The following KLHL17 variants were observed in gnomAD, a reference collection of about 807,000 sequenced individuals.
The protein encoded by KLHL17 is kelch like family member 17, also known as kelch-like protein 17.
KLHL17 carries 71 observed loss-of-function variants against 64.6 expected under a neutral mutation model. That is an observed-to-expected ratio of 1.10 (90% CI 0.91 to 1.34). KLHL17 has a LOEUF of 1.34. Among genes scored for constraint, KLHL17 ranks in the 40% most tolerant of loss-of-function variants. The pLI, the probability that KLHL17 is intolerant of heterozygous loss-of-function variation, is 0.00. For missense variants in KLHL17, 1,140 were observed against 935.0 expected (o/e 1.22, Z -2.86); for synonymous variants, 612 against 405.4 (o/e 1.51, Z -6.12).
At chr1:962,157 G>A (rs1642687033) in intron 4 of KLHL17, 110 bp downstream of exon 4, 2 of 1,250,936 alleles carry the variant, frequency 1.6e-6, no homozygotes, top group Non-Finnish European at 2.2e-6. Context: ...ACAATCCTTA[G>A]TGCCTGCTGT....
chr1:961,716 C>G lies in KLHL17; in HGVS notation c.455C>G (p.Thr152Arg). ...ALDQLVQFAY[T>R]AEIVVGEGNV... ...GACCAGCTGGTGCAGTTTGCCTACACGGCTGAGATTGTGGTGGGCGAGGGC... is the reference window on the plus strand; with the variant it reads ...GACCAGCTGGTGCAGTTTGCCTACAGGGCTGAGATTGTGGTGGGCGAGGGC... The change falls in exon 3 of 12, where the codon ACG (threonine) becomes AGG (arginine). Residue 152 changes from threonine (T) to arginine (R), a missense_variant. Physicochemically the swap from Thr to Arg is moderately conservative, Grantham distance 71. Coordinates refer to ENST00000338591, the MANE Select transcript of KLHL17 (RefSeq NM_198317.3). The G allele has an allele frequency of 1.9e-6, 3 of 1,612,178 alleles. No individual in the cohort carries two copies. Among genetic ancestry groups the G allele is most frequent in the Non-Finnish European group, 2.5e-6 (3 of 1,179,448 alleles).
chr1:962,140 C>T (rs765711602), intron 4 of KLHL17, 93 bp downstream of exon 4: 8 of 1,325,094 alleles, frequency 6.0e-6, no homozygotes, highest in South Asian at 1.3e-5. Context: ...CTGACACAGC[C>T]CTGCCCACAA....
intron 1 of KLHL17, 39 bp downstream of exon 1, chr1:960,839 G>GGACCTGCGCGGCCCCCGCCCTCGC: frequency 1.0e-6 from 1 of 985,294 alleles, no homozygotes; most frequent in Non-Finnish European, 1.2e-6. Context: ...GGCGGCCTCG[G>GGACCTGCGCGGCCCCCGCCCTCGC]GACCTGCGCG....
chr1:963,750 C>G, intron 8 of KLHL17, 170 bp from the exon 9 acceptor site: 1 of 876,952 alleles, frequency 1.1e-6, no homozygotes, highest in African/African-American at 1.7e-5. Flanking sequence ...CAGGGTTGTT[C>G]AGGCAGCCAG....
chr1:963,246 G>C lies in KLHL17; in HGVS notation c.1180G>C (p.Val394Leu). The change falls in exon 7 of 12, where the codon GTG (valine) becomes CTG (leucine). Residue 394 changes from valine (V) to leucine (L), a missense_variant. Coordinates refer to ENST00000338591, the MANE Select transcript of KLHL17 (RefSeq NM_198317.3). ...VAAVGNRLYA[V>L]GGYDGTSDLA... is the part of the protein sequence containing the mutation. ...TGCGGTGGGGAACCGGCTCTATGCT[G>C]TGGGCGGGTAAGCCTGGAGGCTGGA... The C allele has an allele frequency of 6.2e-7, 1 of 1,603,192 alleles. No homozygotes were observed. The highest frequency in any genetic ancestry group is 8.5e-7 in the Non-Finnish European group (1 of 1,172,342).
At position 963,986 on chromosome 1, in the gene KLHL17, C is replaced by T. The variant is rs752488221; in HGVS notation, c.1422C>T (p.Arg474=). 4 of 1,612,552 alleles carry T rather than the reference C, an allele frequency of 2.5e-6. No homozygotes were observed. Among genetic ancestry groups the T allele is most frequent in the Middle Eastern group, 1.7e-4 (1 of 6,058 alleles). ...TSVAAMSTRR[R]YVRVATLDGN... is the part of the protein sequence containing the mutation. ...TCGCTGCCATGAGCACCCGGAGGCG[C>T]TATGTGCGAGTGGCCACGCTTGGTG... The change falls in exon 9 of 12, where the codon CGC becomes CGT. Residue 474 remains arginine, a synonymous_variant. Coordinates refer to ENST00000338591, the MANE Select transcript of KLHL17 (RefSeq NM_198317.3).
In KLHL17 at chr1:961,900, G is replaced by C; in HGVS notation, c.564G>C (p.Gln188His). 2 of 1,612,830 alleles carry C rather than the reference G, an allele frequency of 1.2e-6. No individual in the cohort carries two copies. Among genetic ancestry groups the C allele is most frequent in the Non-Finnish European group, 1.7e-6 (2 of 1,180,008 alleles). ...RDACCKFLLS[Q>H]LDPSNCLGIR... Reference sequence around the variant, plus strand: ...CTTGCTGCAAGTTTCTACTGAGTCAGCTCGACCCCTCCAACTGCCTGGGTA... The same window carrying C: ...CTTGCTGCAAGTTTCTACTGAGTCACCTCGACCCCTCCAACTGCCTGGGTA... Residue 188 changes from glutamine to histidine, a missense_variant, in exon 4 of 12, where the codon CAG becomes CAC. Physicochemically the swap from Gln to His is conservative, Grantham distance 24. Transcript: ENST00000338591.
chr1:960,612 A>G lies in KLHL17; in HGVS notation c.-82A>G, dbSNP rs890411934. 2.5e-6 allele frequency: 3 copies of G among 1,179,544 alleles called. No homozygotes were observed. Among genetic ancestry groups the G allele is most frequent in the African/African-American group, 1.7e-5 (1 of 60,204 alleles). The allele number at this position is 1,179,544 out of a possible 1,614,324, so 73.1% of individuals were successfully genotyped here. A position where few individuals can be genotyped will look rare whatever the true frequency, so the allele number is the denominator to read the frequency against. On this transcript the variant is annotated 5_prime_UTR_variant, in exon 1 of 12. Coordinates refer to ENST00000338591, the MANE Select transcript of KLHL17 (RefSeq NM_198317.3). ...AGTGAGCGACACAGAGCGGGCCGCCACCGCCGAGCAGCCCTCCGGCAGTCT... is the reference window on the plus strand; with the variant it reads ...AGTGAGCGACACAGAGCGGGCCGCCGCCGCCGAGCAGCCCTCCGGCAGTCT...
intron 9 of KLHL17, 30 bp downstream of exon 9, chr1:964,038 C>T (rs773155008): frequency 5.6e-6 from 9 of 1,612,206 alleles, no homozygotes; most frequent in Non-Finnish European, 7.6e-6. Context: ...TGGGGGGCAT[C>T]CCCACCTTCC....
Position 960,765 on chromosome 1 carries a change from C to G in KLHL17, c.72C>G (p.Pro24=), listed in dbSNP as rs1207845934. ...AGCACGGCAGCCCGGGGCCCGGGCC[C>G]GAGGCGCCGCCGCCTCCACCGCCGC... is the stretch of plus-strand genomic sequence containing the variant. The part of the protein sequence containing the change: ...SPEHGSPGPG[P]EAPPPPPPQP... Residue 24 remains proline (P), a synonymous_variant, in exon 1 of 12, where the codon CCC becomes CCG. Transcript: ENST00000338591. 8.8e-7 allele frequency: 1 copy of G among 1,136,606 alleles called. No homozygotes were observed. Among genetic ancestry groups the G allele is most frequent in the Non-Finnish European group, 1.1e-6 (1 of 925,854 alleles). 70.4% of individuals were successfully genotyped at this position (1,136,606 alleles called of 1,614,324 possible).
At chr1:962,664 C>T in intron 5 of KLHL17, 40 bp from the exon 6 acceptor site, 1 of 1,549,048 alleles carries the variant, frequency 6.5e-7, no homozygotes, top group Non-Finnish European at 8.7e-7. Flanking sequence ...CCCAGTGTGC[C>T]CGAGGGTCCC....
At chr1:962,561 A>G in intron 5 of KLHL17, 90 bp downstream of exon 5, 1 of 1,555,126 alleles carries the variant, frequency 6.4e-7, no homozygotes, top group Non-Finnish European at 8.7e-7. Flanking sequence ...CCCCGAGTTC[A>G]GGGACTCCGT....
At chr1:962,662 GC>G in intron 5 of KLHL17, 41 bp from the exon 6 acceptor site, 1 of 1,548,246 alleles carries the variant, frequency 6.5e-7, no homozygotes. Flanking sequence ...CGCCCAGTGT[GC>G]CCGAGGGTCC....
At position 961,034 on chromosome 1, in the gene KLHL17, C is replaced by T. The variant is rs562855695; in HGVS notation, c.107+234C>T. On this transcript the variant is annotated intron_variant, in intron 1 of 11. Coordinates refer to ENST00000338591, the MANE Select transcript of KLHL17 (RefSeq NM_198317.3). ...GCTAGGGACGCGGAGGAGCTGAGCT[C>T]GTGGGGGCGCCGGGAAGCGGGGCCG... 1.7e-3 allele frequency: 353 copies of T among 210,100 alleles called. 3 individuals carry two copies. In the East Asian group the frequency reaches 0.034, roughly 20 times the overall value. The allele number at this position is 210,100 out of a possible 1,614,324, so 13.0% of individuals were successfully genotyped here. A position where few individuals can be genotyped will look rare whatever the true frequency, so the allele number is the denominator to read the frequency against.
intron 10 of KLHL17, 29 bp downstream of exon 10, chr1:964,209 C>G: frequency 3.7e-6 from 6 of 1,611,350 alleles, no homozygotes; most frequent in Non-Finnish European, 4.2e-6. Flanking sequence ...CTGGCCACCC[C>G]CTCCCGTGCG....
chr1:963,805 T>A, intron 8 of KLHL17, 115 bp from the exon 9 acceptor site: 1 of 1,225,952 alleles, frequency 8.2e-7, no homozygotes, highest in East Asian at 2.3e-5. Flanking sequence ...GACTTTGCGG[T>A]CTGAGTTTGA....
At chr1:963,280 G>T in intron 7 of KLHL17, 27 bp downstream of exon 7, 1 of 1,598,372 alleles carries the variant, frequency 6.3e-7, no homozygotes, top group Non-Finnish European at 8.6e-7. Context: ...GACTTGGGTC[G>T]GGTCTGGCAC....
At position 964,435 on chromosome 1, in the gene KLHL17, A is replaced by G. The variant is rs888830158; in HGVS notation, c.1605A>G (p.Ala535=). Residue 535 remains alanine (A), a synonymous_variant, in exon 11 of 12, where the codon GCA becomes GCG. Transcript: ENST00000338591. ...TGCTGGAGGGTGCCCTGTACGTGGC[A>G]GGGGGCAACGACGGCACCAGCTGCC... The part of the protein sequence containing the change: ...VAVLEGALYV[A]GGNDGTSCLN... 2 of 1,548,856 alleles carry G rather than the reference A, an allele frequency of 1.3e-6. No homozygotes were observed. Among genetic ancestry groups the G allele is most frequent in the Non-Finnish European group, 1.7e-6 (2 of 1,147,692 alleles).
chr1:963,656 C>T, intron 8 of KLHL17, 152 bp downstream of exon 8: 2 of 990,430 alleles, frequency 2.0e-6, no homozygotes, highest in Non-Finnish European at 2.9e-6. Flanking sequence ...TGGGCCTGAA[C>T]TCTTGGCTTT....
Sources: allele counts gnomAD v4.1 joint callset, GRCh38; gene constraint gnomAD v4.1.1; transcripts MANE v1.5; gene names NCBI Gene and HGNC (gene_info 2026-07-23, HGNC 2026-07-21).